Variants in KIAA1549L observed in about 807,000 individuals in gnomAD.
KIAA1549L encodes the protein KIAA1549 like.
In KIAA1549L, 88 loss-of-function variants were observed where a neutral mutation model predicts 160.7. The ratio of observed to expected loss-of-function variants is 0.55; its 90% confidence interval spans 0.46 to 0.65. The LOEUF is 0.65. Ranked by LOEUF, KIAA1549L falls within the 30% of genes least tolerant of loss-of-function variation. The pLI is 0.00. For synonymous variants in KIAA1549L, 950 were observed against 976.7 expected (o/e 0.97, Z 0.51); for missense variants, 2,258 against 2,437.5 (o/e 0.93, Z 1.55).
At chr11:33,388,584 G>A (rs1374415690) in intron 1 of KIAA1549L, among the ~76,000 whole-genome samples, 1 of 152,050 alleles carries the variant, frequency 6.6e-6, no homozygotes. Flanking sequence ...GATATAAAAG[G>A]TATAATATTC....
chr11:33,457,231 C>A lies in KIAA1549L; in HGVS notation c.238+80342C>A, dbSNP rs2132987686. 2.6e-5 allele frequency among the ~76,000 whole-genome samples: 4 copies of A among 152,308 alleles called. No individual in the cohort carries two copies. In the South Asian group the frequency reaches 8.3e-4, roughly 32 times the overall value. Reference sequence around the variant, plus strand: ...CCTCCCTCTGCAGAAATGTCTTGGACTTCCCAGTGAATTCTTCCCCTCTCT... The same window carrying A: ...CCTCCCTCTGCAGAAATGTCTTGGAATTCCCAGTGAATTCTTCCCCTCTCT... On this transcript the variant is annotated intron_variant, in intron 1 of 20. Transcript: ENST00000658780.
At chr11:33,482,415 A>G (rs12291494) in intron 1 of KIAA1549L, among the ~76,000 whole-genome samples, 3,757 of 152,152 alleles carry the variant, frequency 0.025, 163 homozygotes, top group African/African-American at 0.086. Flanking sequence ...TATAAAACTG[A>G]TAAGTATGTT....
intron 1 of KIAA1549L, among the ~76,000 whole-genome samples, chr11:33,444,513 T>A (rs2132953925): frequency 6.6e-6 from 1 of 152,298 alleles, no homozygotes; most frequent in East Asian, 1.9e-4. Context: ...GGAAAGAAAC[T>A]TGAGATCTGG....
At chr11:33,589,880 A>C (rs904094898) in intron 11 of KIAA1549L, among the ~76,000 whole-genome samples, 1 of 152,212 alleles carries the variant, frequency 6.6e-6, no homozygotes. Context: ...CATGTTTTGC[A>C]CATGTACCCT....
intron 9 of KIAA1549L, among the ~76,000 whole-genome samples, chr11:33,572,551 C>T (rs555023239): frequency 6.6e-6 from 1 of 152,214 alleles, no homozygotes; most frequent in African/African-American, 2.4e-5. Context: ...AAATCGAATC[C>T]TACAGTACAT....
chr11:33,407,073 CTTTTTTCATTTTTTTTTTTTTT>C (rs1456543199), intron 1 of KIAA1549L, among the ~76,000 whole-genome samples: 1 of 129,654 alleles, frequency 7.7e-6, no homozygotes, highest in Non-Finnish European at 1.6e-5. Context: ...AGTCCTTTTT[CTTTTTTCATTTTTTTTTTTTTT>C]TTTTTTTGAG....
At chr11:33,459,678 C>T (rs886803010) in intron 1 of KIAA1549L, among the ~76,000 whole-genome samples, 5 of 152,084 alleles carry the variant, frequency 3.3e-5, no homozygotes, top group Admixed American at 1.3e-4. Flanking sequence ...TAGCCTTCAT[C>T]GGGCCGGGCG....
chr11:33,615,083 C>T (rs1850774635), intron 15 of KIAA1549L, among the ~76,000 whole-genome samples: 1 of 152,138 alleles, frequency 6.6e-6, no homozygotes, highest in African/African-American at 2.4e-5. Context: ...ATTTTCCTTC[C>T]TTCCCTCTGT....
At chr11:33,604,849 G>T (rs948096686) in intron 13 of KIAA1549L, among the ~76,000 whole-genome samples, 3 of 152,118 alleles carry the variant, frequency 2.0e-5, no homozygotes, top group Admixed American at 1.3e-4. Flanking sequence ...TTGGGTACAG[G>T]ATACACTACT....
At chr11:33,616,314 C>T (rs1442367239) in intron 15 of KIAA1549L, among the ~76,000 whole-genome samples, 1 of 152,096 alleles carries the variant, frequency 6.6e-6, no homozygotes, top group Non-Finnish European at 1.5e-5. Flanking sequence ...TTAGAAACCC[C>T]AATACCAAGA....
rs1487783788 is a variant in KIAA1549L at position 33,645,725 on chromosome 11, G to A, written c.5449G>A (p.Val1817Ile). Residue 1817 changes from valine (V) to isoleucine (I), a missense_variant, in exon 17 of 21, where the codon GTT becomes ATT. Coordinates refer to ENST00000658780, the MANE Select transcript of KIAA1549L (RefSeq NM_012194.3). ...EIIEETNIDR[V>I]PEPRGYSRSR... The stretch of plus-strand genomic sequence containing the variant: ...CATAGAGGAAACCAACATTGACAGA[G>A]TTCCTGAGCCCCGGGGCTATTCCAG... 1 of 1,613,964 alleles carries A rather than the reference G, an allele frequency of 6.2e-7. No homozygotes were observed. Among genetic ancestry groups the A allele is most frequent in the African/African-American group, 1.3e-5 (1 of 75,048 alleles).
rs1849951222 is a variant in KIAA1549L at position 33,376,310 on chromosome 11, T to C, written c.-342T>C. 6.8e-6 allele frequency among the ~76,000 whole-genome samples: 1 copy of C among 147,662 alleles called. No homozygotes were observed. The highest frequency in any genetic ancestry group is 2.5e-5 in the African/African-American group (1 of 40,650). ...CCCCGTTCCCGGCAGCCTCGCCCCC[T>C]AGTTCTGCAGGAGCCGGCCCGGGGG... On this transcript the variant is annotated 5_prime_UTR_variant, in exon 1 of 21. Transcript: ENST00000658780. The surrounding 1 kb of genome is among the most constrained non-coding windows in gnomAD (Gnocchi z 5.8).
At chr11:33,459,205 C>T (rs570382978) in intron 1 of KIAA1549L, among the ~76,000 whole-genome samples, 1 of 152,260 alleles carries the variant, frequency 6.6e-6, no homozygotes, top group Non-Finnish European at 1.5e-5. Flanking sequence ...CCATTTAGCC[C>T]AGACACTGCT....
At chr11:33,435,840 ATATGTG>A (rs1851366107) in intron 1 of KIAA1549L, among the ~76,000 whole-genome samples, 4 of 64,200 alleles carry the variant, frequency 6.2e-5, no homozygotes, top group African/African-American at 9.0e-5. Flanking sequence ...ATGTATATGT[ATATGTG>A]TGTGTGTGTG....
intron 1 of KIAA1549L, among the ~76,000 whole-genome samples, chr11:33,385,289 C>G (rs544913449): frequency 6.6e-6 from 1 of 152,352 alleles, no homozygotes; most frequent in East Asian, 1.9e-4. Flanking sequence ...TATTGTACTT[C>G]TCTCCATATG....
rs569487461 is a variant in KIAA1549L, at chr11:33,656,608, T to C, written c.5858+499T>C. Among the ~76,000 whole-genome samples the C allele has an allele frequency of 2.0e-5, 3 of 152,312 alleles. No homozygotes were observed. The East Asian group carries it at 5.8e-4, about 29-fold the overall frequency. ...GCATGTTCTTTGCTTTAGGAAAATC[T>C]AACGAGGGCATGTTTTTAATAAGGA... On this transcript the variant is annotated intron_variant, in intron 18 of 20. Transcript: ENST00000658780.
intron 1 of KIAA1549L, among the ~76,000 whole-genome samples, chr11:33,455,460 G>T (rs2132983410): frequency 6.6e-6 from 1 of 152,208 alleles, no homozygotes; most frequent in South Asian, 2.1e-4. Flanking sequence ...CCTGGGGGCT[G>T]GTGTAGATCA....
intron 1 of KIAA1549L, among the ~76,000 whole-genome samples, chr11:33,438,408 C>T (rs1395311710): frequency 1.3e-5 from 2 of 152,196 alleles, no homozygotes; most frequent in African/African-American, 4.8e-5. Context: ...CTTGTCTTTG[C>T]TTTTGCTGGA....
chr11:33,379,309 CT>C (rs1399976934), intron 1 of KIAA1549L, among the ~76,000 whole-genome samples: 1 of 152,136 alleles, frequency 6.6e-6, no homozygotes, highest in Non-Finnish European at 1.5e-5. Flanking sequence ...GCCTCTTTTG[CT>C]TGAATATTCT....
Sources: allele counts gnomAD v4.1 joint callset (sites outside exome capture counted in the v4.1 genomes callset), GRCh38; gene constraint gnomAD v4.1.1; non-coding constraint Gnocchi (gnomAD v3.1); transcripts MANE v1.5; gene names NCBI Gene and HGNC (gene_info 2026-07-23, HGNC 2026-07-21).